FTO: variants seen among roughly 807,000 people sequenced by gnomAD.
The protein encoded by FTO is FTO alpha-ketoglutarate dependent dioxygenase, also known as alpha-ketoglutarate-dependent dioxygenase FTO.
In FTO, 47 loss-of-function variants were observed where a neutral mutation model predicts 63.9. That is an observed-to-expected ratio of 0.74 (90% confidence interval 0.58 to 0.94). The LOEUF is 0.94. Ranked by LOEUF, FTO falls within the 40% of genes least tolerant of loss-of-function variation. The pLI is 0.00. For synonymous variants in FTO, 207 were observed against 224.4 expected (o/e 0.92, Z 0.69); for missense variants, 562 against 618.1 (o/e 0.91, Z 0.96).
intron 8 of FTO, among the ~76,000 whole-genome samples, chr16:53,969,945 G>T (rs1436504553): frequency 2.0e-5 from 3 of 152,170 alleles, no homozygotes. Context: ...CGGAGGAGGA[G>T]GCTAGCCAGG....
At chr16:53,839,140 G>C (rs1220011957) in intron 3 of FTO, among the ~76,000 whole-genome samples, 1 of 152,146 alleles carries the variant, frequency 6.6e-6, no homozygotes, top group Non-Finnish European at 1.5e-5. Flanking sequence ...ATTTTGGGGG[G>C]AAGTTTTGGA....
chr16:54,070,862 G>C (rs2085850739), intron 8 of FTO: 1 of 152,210 alleles, frequency 6.6e-6, no homozygotes, highest in South Asian at 2.1e-4. Flanking sequence ...GCTGAAAGCT[G>C]TATTCAAAGA....
chr16:53,733,556 T>C (rs2076320450), intron 1 of FTO, among the ~76,000 whole-genome samples: 1 of 152,224 alleles, frequency 6.6e-6, no homozygotes, highest in Admixed American at 6.5e-5. Flanking sequence ...TAAGTTTATT[T>C]ACTTACTTGG....
At chr16:53,711,040 T>C (rs1409262304) in intron 1 of FTO, among the ~76,000 whole-genome samples, 1 of 150,782 alleles carries the variant, frequency 6.6e-6, no homozygotes, top group Non-Finnish European at 1.5e-5. Context: ...TGAGATATTA[T>C]ATAGCACATA....
At chr16:53,969,188 G>A (rs1486928630) in intron 8 of FTO, among the ~76,000 whole-genome samples, 1 of 150,734 alleles carries the variant, frequency 6.6e-6, no homozygotes, top group African/African-American at 2.5e-5. Context: ...GAGTGAAGTT[G>A]CCATCTGTCC....
chr16:54,079,385 G>A (rs1265241465), intron 8 of FTO, among the ~76,000 whole-genome samples: 11 of 152,226 alleles, frequency 7.2e-5, no homozygotes, highest in Non-Finnish European at 1.6e-4. Context: ...AGTGAAGCCA[G>A]GGCTGAAGCC....
intron 8 of FTO, among the ~76,000 whole-genome samples, chr16:54,033,185 T>C (rs2084869964): frequency 6.6e-6 from 1 of 152,210 alleles, no homozygotes; most frequent in African/African-American, 2.4e-5. Flanking sequence ...AATGGACAAA[T>C]TGCCAAGGGC....
chr16:53,862,701 A>G (rs2080210681), intron 4 of FTO, among the ~76,000 whole-genome samples: 1 of 151,310 alleles, frequency 6.6e-6, no homozygotes, highest in African/African-American at 2.4e-5. Flanking sequence ...ACACCCAGCT[A>G]ATTTTTTTTT....
intron 8 of FTO, among the ~76,000 whole-genome samples, chr16:54,010,312 G>C (rs978604929): frequency 2.0e-5 from 3 of 152,060 alleles, no homozygotes; most frequent in Non-Finnish European, 4.4e-5. Flanking sequence ...CTCAGGCGAT[G>C]GGAGGATCCC....
chr16:53,922,571 T>A (rs2082032652), intron 7 of FTO, among the ~76,000 whole-genome samples: 1 of 152,242 alleles, frequency 6.6e-6, no homozygotes, highest in African/African-American at 2.4e-5. Flanking sequence ...GATGGTGTTA[T>A]AACTTTTAGT....
At chr16:53,719,891 A>T (rs959307039) in intron 1 of FTO, among the ~76,000 whole-genome samples, 4 of 152,056 alleles carry the variant, frequency 2.6e-5, no homozygotes, top group African/African-American at 9.7e-5. Context: ...CAGTATTCTA[A>T]TGATTTTTTT....
chr16:53,752,166 A>G (rs1486591645), intron 1 of FTO, among the ~76,000 whole-genome samples: 1 of 152,184 alleles, frequency 6.6e-6, no homozygotes, highest in East Asian at 1.9e-4. Flanking sequence ...TGAAGATGAA[A>G]CTGTCTTCAA....
intron 8 of FTO, chr16:53,984,887 T>C (rs1429066686): frequency 2.2e-6 from 1 of 455,602 alleles, no homozygotes; most frequent in African/African-American, 2.0e-5. Context: ...CTCTTGGCTT[T>C]TGAGGTTTCA....
intron 3 of FTO, 122 bp downstream of exon 3, chr16:53,826,613 G>A: frequency 3.4e-6 from 3 of 875,246 alleles, no homozygotes; most frequent in Non-Finnish European, 5.6e-6. Context: ...GTGTGTACAT[G>A]CACATGCGTG....
At chr16:53,881,335 C>G (rs1029553854) in intron 6 of FTO, among the ~76,000 whole-genome samples, 2 of 152,052 alleles carry the variant, frequency 1.3e-5, no homozygotes, top group South Asian at 2.1e-4. Context: ...AGTAAGCATG[C>G]CTGTCTTTTG....
At chr16:54,053,734 T>A (rs781324457) in intron 8 of FTO, among the ~76,000 whole-genome samples, 1 of 152,222 alleles carries the variant, frequency 6.6e-6, no homozygotes, top group Non-Finnish European at 1.5e-5. Context: ...GTGTTCACTG[T>A]GGGTTTCCTT....
intron 8 of FTO, among the ~76,000 whole-genome samples, chr16:54,083,794 G>A (rs964826563): frequency 1.3e-5 from 2 of 152,144 alleles, no homozygotes; most frequent in African/African-American, 4.8e-5. Context: ...GCGGGGGCTG[G>A]CATTTTGTCT....
intron 8 of FTO, among the ~76,000 whole-genome samples, chr16:53,963,670 T>TA (rs2083132829): frequency 6.6e-6 from 1 of 152,228 alleles, no homozygotes; most frequent in Non-Finnish European, 1.5e-5. Context: ...TCCACCATTG[T>TA]AAGTTTCCTG....
chr16:53,839,163 G>T (rs2079391512), intron 3 of FTO, among the ~76,000 whole-genome samples: 1 of 152,140 alleles, frequency 6.6e-6, no homozygotes, highest in African/African-American at 2.4e-5. Context: ...ATTTAAACTT[G>T]ACTTTTAAAC....
Sources: allele counts gnomAD v4.1 joint callset (sites outside exome capture counted in the v4.1 genomes callset), GRCh38; gene constraint gnomAD v4.1.1; transcripts MANE v1.5; gene names NCBI Gene and HGNC (gene_info 2026-07-23, HGNC 2026-07-21).